SPATC1: variants seen among roughly 807,000 people sequenced by gnomAD.
SPATC1 encodes the protein speriolin.
SPATC1 carries 35 observed loss-of-function variants against 36.5 expected under a neutral mutation model. The ratio of observed to expected loss-of-function variants is 0.96; its 90% confidence interval spans 0.73 to 1.27. The LOEUF (loss-of-function observed/expected upper bound fraction) is 1.27. Ranked by LOEUF, SPATC1 falls within the 50% of genes most tolerant of loss-of-function variation. The pLI, the probability that SPATC1 is intolerant of heterozygous loss-of-function variation, is 0.00. For synonymous variants in SPATC1, 361 were observed against 353.6 expected, an observed-to-expected ratio of 1.02 and a Z score of -0.24; for missense variants, 779 against 796.0, an observed-to-expected ratio of 0.98 and a Z score of 0.26.
At chr8:144,034,569 G>A (rs1834861066) in intron 1 of SPATC1, among the ~76,000 whole-genome samples, 1 of 152,074 alleles carries the variant, frequency 6.6e-6, no homozygotes, top group Non-Finnish European at 1.5e-5. Context: ...GACACATGGG[G>A]AGTATTTACC....
At position 144,040,066 on chromosome 8, in the gene SPATC1, GCTGCTGTC is replaced by G. The variant is rs782307418; in HGVS notation, c.370_377del (p.Leu124TrpfsTer107). Reference sequence around the variant, plus strand: ...GCCCCCTGACAGGCACCCTCAGCACGCTGCTGTCTGGCCCAGCACCCACGTCACAGAGC... The same window carrying G: ...GCCCCCTGACAGGCACCCTCAGCACGTGGCCCAGCACCCACGTCACAGAGC... On this transcript the variant is annotated frameshift_variant, in exon 2 of 5. Coordinates refer to ENST00000377470, the MANE Select transcript of SPATC1 (RefSeq NM_198572.3). LOFTEE classifies it high-confidence loss of function. 1 of 1,612,904 alleles carries G rather than the reference GCTGCTGTC, an allele frequency of 6.2e-7. No homozygotes were observed. Among genetic ancestry groups the G allele is most frequent in the East Asian group, 2.2e-5 (1 of 44,866 alleles).
chr8:144,039,863 C>A, intron 1 of SPATC1, 46 bp from the exon 2 acceptor site: 2 of 1,577,544 alleles, frequency 1.3e-6, no homozygotes, highest in South Asian at 2.4e-5. Flanking sequence ...TCGCCGTGGT[C>A]TGGAGGGGCT....
rs1213151322 is a variant in SPATC1, at chr8:144,040,093, A to G, written c.396A>G (p.Ser132=). 6.2e-7 allele frequency: 1 copy of G among 1,611,712 alleles called. No individual in the cohort carries two copies. The highest frequency in any genetic ancestry group is 1.3e-5 in the African/African-American group (1 of 74,884). The change falls in exon 2 of 5, where the codon TCA becomes TCG. Residue 132 remains serine, a synonymous_variant. Transcript: ENST00000377470. ...STLLSGPAPT[S]QSSPLTSFLT... is the part of the protein sequence containing the mutation. ...TGCTGTCTGGCCCAGCACCCACGTC[A>G]CAGAGCAGCCCCCTCACCAGCTTCC... is the stretch of plus-strand genomic sequence containing the variant.
chr8:144,020,215 CCCCTCAGGAGGCTG>C (rs1834479137), intron 1 of SPATC1, among the ~76,000 whole-genome samples: 1 of 147,854 alleles, frequency 6.8e-6, no homozygotes, highest in Non-Finnish European at 1.5e-5. Context: ...AGGACCATCT[CCCCTCAGGAGGCTG>C]TTCTCTCAGG....
chr8:144,026,397 A>C lies in SPATC1; in HGVS notation c.212-13512A>C, dbSNP rs1391134062. Among the ~76,000 whole-genome samples the C allele has an allele frequency of 2.0e-5, 3 of 152,298 alleles. No homozygotes were observed. In the East Asian group the frequency reaches 5.8e-4, roughly 29 times the overall value. Reference sequence around the variant, plus strand: ...TATTTCCTCCTTTGGGCTATTATGAATAATGCCGCTATGAACATTCATGTA... The same window carrying C: ...TATTTCCTCCTTTGGGCTATTATGACTAATGCCGCTATGAACATTCATGTA... On this transcript the variant is annotated intron_variant, in intron 1 of 4. Coordinates refer to ENST00000377470, the MANE Select transcript of SPATC1 (RefSeq NM_198572.3).
In SPATC1 at chr8:144,023,783, TTCC is replaced by T. The variant is rs1587498273; in HGVS notation, c.211+11058_211+11060del. 1.2e-3 allele frequency among the ~76,000 whole-genome samples: 34 copies of T among 28,342 alleles called. 17 individuals are homozygous for T. Among genetic ancestry groups the T allele is most frequent in the South Asian group, 3.6e-3 (2 of 554 alleles). 18.6% of individuals were successfully genotyped at this position (28,342 alleles called of 152,430 possible). A position where few individuals can be genotyped will look rare whatever the true frequency, so the allele number is the denominator to read the frequency against. ...CAGAACCCTTTCCCTAAGGTCCCTC[TTCC>T]CTCAGAACCCTCTAGAACCCTGTCC... On this transcript the variant is annotated intron_variant, in intron 1 of 4. Transcript: ENST00000377470.
chr8:144,042,298 TATATATATA>T (rs1274491935), intron 4 of SPATC1, among the ~76,000 whole-genome samples: 3 of 59,542 alleles, frequency 5.0e-5, no homozygotes, highest in Admixed American at 1.7e-4. Context: ...TATATATATA[TATATATATA>T]TATATTTTTT....
chr8:144,040,651 T>G lies in SPATC1; in HGVS notation c.850T>G (p.Ser284Ala), dbSNP rs1195560916. Residue 284 changes from serine to alanine, a missense_variant, in exon 3 of 5, where the codon TCC becomes GCC. Coordinates refer to ENST00000377470, the MANE Select transcript of SPATC1 (RefSeq NM_198572.3). Reference sequence around the variant, plus strand: ...GTTTGCAGGAGCACCCCTCCAGACCTCCACCCCTATCGGAGCCATGGGCAC... The same window carrying G: ...GTTTGCAGGAGCACCCCTCCAGACCGCCACCCCTATCGGAGCCATGGGCAC... The part of the protein sequence containing the change: ...MAFAGAPLQT[S>A]TPIGAMGTPA... 2.5e-6 allele frequency: 4 copies of G among 1,609,104 alleles called. No individual in the cohort carries two copies. In the African/African-American group the frequency reaches 5.5e-5, roughly 22 times the overall value.
chr8:144,042,306 TATA>T (rs1335383377), intron 4 of SPATC1, among the ~76,000 whole-genome samples: 710 of 70,634 alleles, frequency 0.01, 9 homozygotes, highest in East Asian at 0.014. Flanking sequence ...TATATATATA[TATA>T]TATTTTTTTT....
intron 1 of SPATC1, among the ~76,000 whole-genome samples, chr8:144,038,019 C>T (rs1180835037): frequency 4.0e-5 from 6 of 151,144 alleles, no homozygotes; most frequent in East Asian, 1.9e-4. Context: ...ATCCCAGCTA[C>T]GCGAGGCTGA....
intron 1 of SPATC1, among the ~76,000 whole-genome samples, chr8:144,036,046 C>G (rs1019440276): frequency 6.6e-6 from 1 of 152,158 alleles, no homozygotes; most frequent in Non-Finnish European, 1.5e-5. Context: ...GACTGCTTGC[C>G]TTTGGCCCAC....
At chr8:144,029,335 G>A (rs942640660) in intron 1 of SPATC1, among the ~76,000 whole-genome samples, 16 of 151,790 alleles carry the variant, frequency 1.1e-4, no homozygotes, top group East Asian at 1.9e-4. Flanking sequence ...TTGGGAGGCC[G>A]AGTTGGGCAG....
intron 1 of SPATC1, among the ~76,000 whole-genome samples, chr8:144,030,671 T>C (rs944334106): frequency 6.6e-6 from 1 of 152,200 alleles, no homozygotes; most frequent in African/African-American, 2.4e-5. Context: ...CTGTTTATTT[T>C]CTGCATGTCT....
chr8:144,043,416 G>A (rs1036351173), intron 4 of SPATC1, among the ~76,000 whole-genome samples: 7 of 151,926 alleles, frequency 4.6e-5, no homozygotes, highest in African/African-American at 9.7e-5. Context: ...CAAGTAGTTC[G>A]AATTACAGGC....
At chr8:144,033,821 T>C (rs1834845671) in intron 1 of SPATC1, among the ~76,000 whole-genome samples, 2 of 152,104 alleles carry the variant, frequency 1.3e-5, no homozygotes, top group East Asian at 1.9e-4. Context: ...CTGAAATATG[T>C]TGGGAATCAC....
rs782142621 is a variant in SPATC1 at position 144,041,328 on chromosome 8, T to C, written c.1403T>C (p.Leu468Pro). The C allele has an allele frequency of 5.2e-5, 84 of 1,612,386 alleles. No individual in the cohort carries two copies. In the Admixed American group the frequency reaches 1.4e-3, roughly 27 times the overall value. The stretch of plus-strand genomic sequence containing the variant: ...AGCATCTTCCCAGAGCGCGTACGGC[T>C]CTACGGCTTCACTGTCTCCAACATC... ...LSSIFPERVR[L>P]YGFTVSNIPE... is the part of the protein sequence containing the mutation. The change falls in exon 4 of 5, where the codon CTC (leucine) becomes CCC (proline). Residue 468 changes from leucine to proline, a missense_variant. Leu to Pro is a moderately conservative substitution (Grantham distance 98, BLOSUM62 -3). Coordinates refer to ENST00000377470, the MANE Select transcript of SPATC1 (RefSeq NM_198572.3).
At chr8:144,037,573 C>G (rs1036799497) in intron 1 of SPATC1, among the ~76,000 whole-genome samples, 1 of 152,030 alleles carries the variant, frequency 6.6e-6, no homozygotes, top group South Asian at 2.1e-4. Context: ...AAGGGGGGTG[C>G]AAGATGTGCT....
chr8:144,025,868 C>T (rs1458036107), intron 1 of SPATC1, among the ~76,000 whole-genome samples: 2 of 152,148 alleles, frequency 1.3e-5, no homozygotes, highest in African/African-American at 4.8e-5. Flanking sequence ...ATAAATGTGC[C>T]TTTTCTGCCA....
intron 1 of SPATC1, among the ~76,000 whole-genome samples, chr8:144,023,637 TGAGGAAC>T (rs1834600303): frequency 3.1e-5 from 3 of 95,432 alleles, no homozygotes; most frequent in Non-Finnish European, 6.5e-5. Context: ...CCCTCTTCCC[TGAGGAAC>T]TTCTTCCCTC....
Sources: gnomAD v4.1 joint callset for allele counts (sites outside exome capture counted in the v4.1 genomes callset) on GRCh38, gnomAD v4.1.1 for gene constraint, MANE v1.5 for transcripts, NCBI Gene and HGNC (gene_info 2026-07-23, HGNC 2026-07-21) for gene names.